The following LSS variants were observed in gnomAD, a reference collection of about 807,000 sequenced individuals.
The protein encoded by LSS is lanosterol synthase, also known as 2,3-epoxysqualene-lanosterol cyclase.
LSS carries 90 observed loss-of-function variants against 110.3 expected under a neutral mutation model. That is an observed-to-expected ratio of 0.82 (90% confidence interval 0.69 to 0.97). The LOEUF (loss-of-function observed/expected upper bound fraction) is 0.97. LSS is among the 50% of genes least tolerant of loss of function. LSS has a pLI of 0.00. For missense variants in LSS, 927 were observed against 990.0 expected, an observed-to-expected ratio of 0.94 and a Z score of 0.85; for synonymous variants, 433 against 400.0, an observed-to-expected ratio of 1.08 and a Z score of -0.98.
intron 14 of LSS, 75 bp from the exon 15 acceptor site, chr21:46,207,652 G>A (rs1030373703): frequency 9.4e-6 from 14 of 1,494,422 alleles, no homozygotes; most frequent in African/African-American, 4.1e-5. Flanking sequence ...ACAGCCGCAC[G>A]CATCCCTCCC....
rs1485259066 is a variant in LSS, at chr21:46,207,340, G to C, written c.1467+88C>G. 2.3e-5 allele frequency: 35 copies of C among 1,500,806 alleles called. No individual in the cohort carries two copies. In the South Asian group the frequency reaches 4.2e-4, roughly 18 times the overall value. The allele number at this position is 1,500,806 out of a possible 1,614,324, so 93.0% of individuals were successfully genotyped here. ...CTACGGCCTGGCCGGACTGTGTGCT[G>C]GGCTGGAGCCCACAGGAGTGGAAGT... On this transcript the variant is annotated intron_variant, in intron 15 of 21. Transcript: ENST00000397728.
At chr21:46,210,600 G>A in intron 12 of LSS, 88 bp downstream of exon 12, 1 of 1,287,470 alleles carries the variant, frequency 7.8e-7, no homozygotes, top group South Asian at 1.2e-5. Flanking sequence ...GCAAGTGTGT[G>A]GCCAGCAGTG....
chr21:46,223,358 G>A (rs1218661681), intron 3 of LSS, among the ~76,000 whole-genome samples: 6 of 152,134 alleles, frequency 3.9e-5, no homozygotes, highest in Non-Finnish European at 7.3e-5. Context: ...CACTCCCCAT[G>A]CTTGGTTCCA....
At chr21:46,214,680 G>C (rs2080177015) in intron 9 of LSS, among the ~76,000 whole-genome samples, 1 of 152,174 alleles carries the variant, frequency 6.6e-6, no homozygotes. Flanking sequence ...TAAGGTCACT[G>C]AACTGGCCAC....
chr21:46,195,575 C>G, intron 19 of LSS, 101 bp downstream of exon 19: 1 of 1,130,256 alleles, frequency 8.8e-7, no homozygotes, highest in South Asian at 1.3e-5. Context: ...AACAAACAAA[C>G]AAACAAACAA....
chr21:46,218,696 T>C (rs952069629), intron 6 of LSS, among the ~76,000 whole-genome samples: 1 of 151,548 alleles, frequency 6.6e-6, no homozygotes, highest in African/African-American at 2.4e-5. Context: ...TTAAACAGTA[T>C]GTGGTTCTGT....
rs763342885 is a variant in LSS at position 46,188,681 on chromosome 21, T to C, written c.*2423A>G. 1.7e-5 allele frequency: 8 copies of C among 470,558 alleles called. No homozygotes were observed. Among genetic ancestry groups the C allele is most frequent in the South Asian group, 1.2e-4 (8 of 64,536 alleles). 29.1% of individuals were successfully genotyped at this position (470,558 alleles called of 1,614,324 possible). On this transcript the variant is annotated 3_prime_UTR_variant, in exon 22 of 22. Transcript: ENST00000397728. ...AGTCCTCTTCGTGGAACAGGAAAAA[T>C]ACACTCCCTCTAAACAATGGATTGA...
intron 5 of LSS, 53 bp from the exon 6 acceptor site, chr21:46,219,625 G>T: frequency 8.5e-7 from 1 of 1,172,538 alleles, no homozygotes; most frequent in Non-Finnish European, 1.2e-6. Context: ...AGCAAAGTCT[G>T]CACTGCCTCT....
At chr21:46,208,383 C>G in intron 13 of LSS, 82 bp from the exon 14 acceptor site, 1 of 1,212,954 alleles carries the variant, frequency 8.2e-7, no homozygotes, top group East Asian at 2.5e-5. Flanking sequence ...CTGAGACAGA[C>G]TGGGCAGGAC....
chr21:46,214,892 A>G (rs2080179447), intron 9 of LSS, among the ~76,000 whole-genome samples: 1 of 152,042 alleles, frequency 6.6e-6, no homozygotes, highest in Non-Finnish European at 1.5e-5. Flanking sequence ...AGCCAGCAAG[A>G]TCTCAGGGAG....
chr21:46,206,598 T>C, intron 16 of LSS, 74 bp downstream of exon 16: 3 of 1,287,508 alleles, frequency 2.3e-6, no homozygotes, highest in East Asian at 4.6e-5. Context: ...GGGGAAAAGC[T>C]GGCCCCCAGG....
intron 17 of LSS, 25 bp from the exon 18 acceptor site, chr21:46,196,292 A>G: frequency 6.2e-7 from 1 of 1,604,930 alleles, no homozygotes; most frequent in Non-Finnish European, 8.5e-7. Context: ...TGGTCCAGTG[A>G]ACATTCTGGT....
rs2080104220 is a variant in LSS at position 46,209,725 on chromosome 21, G to A, written c.1195-100C>T. ...TCCTGGCCACATCCTGCCCCAACCG[G>A]GGACCAGAATCAAACCAGCAGACAT... On this transcript the variant is annotated intron_variant, in intron 12 of 21. Transcript: ENST00000397728. The surrounding 1 kb of genome is among the most constrained non-coding windows in gnomAD (Gnocchi z 4.4). 4 of 1,002,824 alleles carry A rather than the reference G, an allele frequency of 4.0e-6. No homozygotes were observed. The highest frequency in any genetic ancestry group is 6.1e-6 in the Non-Finnish European group (4 of 659,844). 62.1% of individuals were successfully genotyped at this position (1,002,824 alleles called of 1,614,324 possible). A position where few individuals can be genotyped will look rare whatever the true frequency, so the allele number is the denominator to read the frequency against.
At position 46,209,569 on chromosome 21, in the gene LSS, G is replaced by A. The variant is rs1457130981; in HGVS notation, c.1251C>T (p.Phe417=). 1 of 1,605,786 alleles carries A rather than the reference G, an allele frequency of 6.2e-7. No homozygotes were observed. The highest frequency in any genetic ancestry group is 8.5e-7 in the Non-Finnish European group (1 of 1,176,768). ...FSSCLQKAHE[F]LRLSQVPDNP... ...CCGGCCTCACCTGTGAGAGCCTCAG[G>A]AACTCATGAGCCTTCTGCAGGCAGG... is the stretch of plus-strand genomic sequence containing the variant. Residue 417 remains phenylalanine, a synonymous_variant, in exon 13 of 22, where the codon TTC becomes TTT. Coordinates refer to ENST00000397728, the MANE Select transcript of LSS (RefSeq NM_002340.6). The surrounding 1 kb of genome is among the most constrained non-coding windows in gnomAD (Gnocchi z 4.4).
At chr21:46,202,721 T>TA (rs918860485) in intron 17 of LSS, among the ~76,000 whole-genome samples, 1 of 151,722 alleles carries the variant, frequency 6.6e-6, no homozygotes, top group Admixed American at 6.6e-5. Context: ...ACAAAACATT[T>TA]AAAAAATTAG....
chr21:46,204,082 C>T (rs2123715836), intron 17 of LSS, among the ~76,000 whole-genome samples: 2 of 152,270 alleles, frequency 1.3e-5, no homozygotes, highest in East Asian at 3.9e-4. Flanking sequence ...CACCTGAGGT[C>T]AGGAGTTCAA....
chr21:46,190,993 A>C lies in LSS; in HGVS notation c.*111T>G. On this transcript the variant is annotated 3_prime_UTR_variant, in exon 22 of 22. Transcript: ENST00000397728. This position sits in a 1 kb window ranked among gnomAD's most constrained non-coding sequence, Gnocchi z 4.6. ...CCCCAGATTCACATCTATGAGATAG[A>C]GGTTGAGGGGTTGGAGCCCAAGACA... 3.1e-6 allele frequency: 4 copies of C among 1,285,734 alleles called. No individual in the cohort carries two copies. In the East Asian group the frequency reaches 9.6e-5, roughly 31 times the overall value. 79.6% of individuals were successfully genotyped at this position (1,285,734 alleles called of 1,614,324 possible).
intron 6 of LSS, among the ~76,000 whole-genome samples, chr21:46,217,708 C>A (rs2080225034): frequency 6.6e-6 from 1 of 152,212 alleles, no homozygotes; most frequent in Admixed American, 6.5e-5. Context: ...CGACGGCCCC[C>A]CCAAGTGGGG....
intron 6 of LSS, among the ~76,000 whole-genome samples, chr21:46,218,376 C>A (rs1390402684): frequency 1.3e-5 from 2 of 152,046 alleles, no homozygotes; most frequent in African/African-American, 2.4e-5. Context: ...TGGCTCCCAG[C>A]ACTTTGGGAG....
Sources: gnomAD v4.1 joint callset for allele counts (sites outside exome capture counted in the v4.1 genomes callset) on GRCh38, gnomAD v4.1.1 for gene constraint, Gnocchi (gnomAD v3.1) non-coding constraint, MANE v1.5 for transcripts, NCBI Gene and HGNC (gene_info 2026-07-23, HGNC 2026-07-21) for gene names.